The following KIF13A variants were observed in gnomAD, a reference collection of about 807,000 sequenced individuals.
The protein encoded by KIF13A is kinesin family member 13A, also known as kinesin-like protein KIF13A.
In KIF13A, 79 loss-of-function variants were observed where a neutral mutation model predicts 212.2. That is an observed-to-expected ratio of 0.37 (90% CI 0.31 to 0.45). KIF13A has a LOEUF of 0.45. Among genes scored for constraint, KIF13A ranks in the 20% least tolerant of loss-of-function variants. The pLI is 1.00. For missense variants in KIF13A, 1,901 were observed against 2,209.0 expected (o/e 0.86, Z 2.79); for synonymous variants, 789 against 808.6 (o/e 0.98, Z 0.41).
chr6:17,851,992 A>G lies in KIF13A; in HGVS notation c.545T>C (p.Val182Ala). The G allele has an allele frequency of 6.4e-7, 1 of 1,558,564 alleles. No individual in the cohort carries two copies. Among genetic ancestry groups the G allele is most frequent in the East Asian group, 2.3e-5 (1 of 42,698 alleles). Residue 182 changes from valine (V) to alanine (A), a missense_variant, in exon 7 of 39, where the codon GTA becomes GCA. Val to Ala is a moderately conservative substitution (Grantham distance 64). This residue lies in a region of KIF13A where 506 missense variants were observed against 637.4 expected (regional missense o/e 0.79). Transcript: ENST00000259711. Reference protein sequence around the residue: ...VREHKVLGPYVDGLSQLAVTS... With the variant: ...VREHKVLGPYADGLSQLAVTS... ...GACAGCTAGTTGAGATAAACCATCT[A>G]CATATGGTCCCAAAACTTTATGTTC...
Position 17,849,873 on chromosome 6 carries a change from C to T in KIF13A, c.718-384G>A, listed in dbSNP as rs577960738. ...TTGTGGTGTCCTCTTTAATATCCCT[C>T]AATGGCTATGAAGCTGACATGTTTC... On this transcript the variant is annotated intron_variant, in intron 8 of 38. Transcript: ENST00000259711. This position sits in a 1 kb window ranked among gnomAD's most constrained non-coding sequence, Gnocchi z 5.7. Among the ~76,000 whole-genome samples, 506 of 152,278 alleles carry T rather than the reference C, an allele frequency of 3.3e-3. 6 individuals carry two copies. Among genetic ancestry groups the T allele is most frequent in the African/African-American group, 0.011 (463 of 41,554 alleles).
rs1354202672 is a variant in KIF13A at position 17,826,277 on chromosome 6, A to G, written c.1533-153T>C. ...AGAGCAGAATGTGTAACCACTATGA[A>G]AACACACAATCTAAGCCATGAGGAC... On this transcript the variant is annotated intron_variant, in intron 14 of 38. Coordinates refer to ENST00000259711, the MANE Select transcript of KIF13A (RefSeq NM_022113.6). This position sits in a 1 kb window ranked among gnomAD's most constrained non-coding sequence, Gnocchi z 4.7. 6.6e-6 allele frequency among the ~76,000 whole-genome samples: 1 copy of G among 152,204 alleles called. No individual in the cohort carries two copies. The highest frequency in any genetic ancestry group is 2.4e-5 in the African/African-American group (1 of 41,456).
chr6:17,765,939 A>G (rs1488564310), intron 38 of KIF13A, among the ~76,000 whole-genome samples: 1 of 152,222 alleles, frequency 6.6e-6, no homozygotes, highest in Non-Finnish European at 1.5e-5. Flanking sequence ...AGGACTTGGA[A>G]ATAGCAATGG....
intron 2 of KIF13A, among the ~76,000 whole-genome samples, chr6:17,942,361 T>G (rs1777029034): frequency 6.6e-6 from 1 of 150,936 alleles, no homozygotes; most frequent in South Asian, 2.1e-4. Context: ...TATATATATT[T>G]CTGTTCATTG....
At chr6:17,969,963 C>T (rs1379112965) in intron 2 of KIF13A, among the ~76,000 whole-genome samples, 2 of 151,588 alleles carry the variant, frequency 1.3e-5, no homozygotes, top group African/African-American at 4.8e-5. Flanking sequence ...CGCTCTTTCA[C>T]CCAGGCCGGA....
At position 17,983,540 on chromosome 6, in the gene KIF13A, G is replaced by A. The variant is rs183149900; in HGVS notation, c.146+3514C>T. 3.3e-3 allele frequency among the ~76,000 whole-genome samples: 482 copies of A among 147,178 alleles called. 3 individuals are homozygous for A. The highest frequency in any genetic ancestry group is 0.011 in the African/African-American group (435 of 39,702). Reference sequence around the variant, plus strand: ...TGCAGTCTCACTCCGTTGCCCAGGCGAGAGTGCAGTAGCACGATCTCAGCT... The same window carrying A: ...TGCAGTCTCACTCCGTTGCCCAGGCAAGAGTGCAGTAGCACGATCTCAGCT... On this transcript the variant is annotated intron_variant, in intron 2 of 38. Transcript: ENST00000259711.
At chr6:17,848,334 G>C (rs957910600) in intron 9 of KIF13A, among the ~76,000 whole-genome samples, 6 of 151,970 alleles carry the variant, frequency 3.9e-5, no homozygotes, top group African/African-American at 1.5e-4. Flanking sequence ...CAGTGCTACA[G>C]AAAACTAGAA....
rs777772057 is a variant in KIF13A at position 17,979,408 on chromosome 6, A to G, written c.146+7646T>C. Reference sequence around the variant, plus strand: ...AGCATTCATCGATGTTCTTAAGAAAAAGAAAATTATTGCTTTTATTGTTGG... The same window carrying G: ...AGCATTCATCGATGTTCTTAAGAAAGAGAAAATTATTGCTTTTATTGTTGG... On this transcript the variant is annotated intron_variant, in intron 2 of 38. Transcript: ENST00000259711. 8.3e-4 allele frequency among the ~76,000 whole-genome samples: 126 copies of G among 152,354 alleles called. 2 individuals are homozygous for G. In the Middle Eastern group the frequency reaches 0.017, roughly 21 times the overall value.
In KIF13A at chr6:17,804,873, G is replaced by C. The variant is rs1207213853; in HGVS notation, c.2305-363C>G. On this transcript the variant is annotated intron_variant, in intron 19 of 38. Transcript: ENST00000259711. ...ATTAGCCCATGGGAGGGGCCTGTTT[G>C]CTGGGGAGCTAACTAATGCCTGTGC... is the stretch of plus-strand genomic sequence containing the variant. Among the ~76,000 whole-genome samples, 3 of 136,802 alleles carry C rather than the reference G, an allele frequency of 2.2e-5. No homozygotes were observed. In the Admixed American group the frequency reaches 2.4e-4, roughly 11 times the overall value. 89.7% of individuals were successfully genotyped at this position (136,802 alleles called of 152,430 possible).
At chr6:17,921,720 G>A (rs527743535) in intron 2 of KIF13A, among the ~76,000 whole-genome samples, 3 of 152,112 alleles carry the variant, frequency 2.0e-5, no homozygotes, top group Non-Finnish European at 4.4e-5. Flanking sequence ...AGCCAAGAGT[G>A]GGAAGAACAA....
chr6:17,872,393 TC>T lies in KIF13A; in HGVS notation c.220+983del, dbSNP rs1199212480. 1.3e-5 allele frequency among the ~76,000 whole-genome samples: 2 copies of T among 152,102 alleles called. No individual in the cohort carries two copies. Among genetic ancestry groups the T allele is most frequent in the African/African-American group, 4.8e-5 (2 of 41,418 alleles). On this transcript the variant is annotated intron_variant, in intron 4 of 38. Coordinates refer to ENST00000259711, the MANE Select transcript of KIF13A (RefSeq NM_022113.6). This position sits in a 1 kb window ranked among gnomAD's most constrained non-coding sequence, Gnocchi z 4.7. The stretch of plus-strand genomic sequence containing the variant: ...ATAAGTAGAAATAAGGAGAAAACAC[TC>T]AGTAGGAAGAAATAGTTCACGAGCT...
chr6:17,924,593 C>T (rs1289006939), intron 2 of KIF13A, among the ~76,000 whole-genome samples: 1 of 152,188 alleles, frequency 6.6e-6, no homozygotes, highest in East Asian at 1.9e-4. Context: ...GGAAGCACCT[C>T]TTAAAGCTTA....
Position 17,783,504 on chromosome 6 carries a change from G to C in KIF13A, c.3544+142C>G. ...TTATCCACATATCATGCTTATATAC[G>C]TTTAATGAGAACAAAAATGTCACCC... On this transcript the variant is annotated intron_variant, in intron 29 of 38. Transcript: ENST00000259711. The surrounding 1 kb of genome is among the most constrained non-coding windows in gnomAD (Gnocchi z 4.3). 1.5e-6 allele frequency: 1 copy of C among 668,296 alleles called. No homozygotes were observed. The highest frequency in any genetic ancestry group is 2.6e-6 in the Non-Finnish European group (1 of 377,526). 41.4% of individuals were successfully genotyped at this position (668,296 alleles called of 1,614,324 possible).
chr6:17,958,041 C>G (rs1778496571), intron 2 of KIF13A, among the ~76,000 whole-genome samples: 1 of 152,122 alleles, frequency 6.6e-6, no homozygotes, highest in Non-Finnish European at 1.5e-5. Flanking sequence ...AAGCTCTCAC[C>G]AAACCCTGCT....
At chr6:17,804,600 AT>A in intron 19 of KIF13A, 90 bp from the exon 20 acceptor site, 4 of 1,221,238 alleles carry the variant, frequency 3.3e-6, no homozygotes, top group Non-Finnish European at 4.4e-6. Context: ...TTGAAAAAAA[AT>A]TTAAAGAATC....
rs1310635438 is a variant in KIF13A at position 17,837,413 on chromosome 6, C to G, written c.942+59G>C. 5 of 1,147,194 alleles carry G rather than the reference C, an allele frequency of 4.4e-6. No homozygotes were observed. 71.1% of individuals were successfully genotyped at this position (1,147,194 alleles called of 1,614,324 possible). Reference sequence around the variant, plus strand: ...GGTTAGCTTTGTACACACCTTTACTCTGTCACATCTGGAATAGCCAATTTT... The same window carrying G: ...GGTTAGCTTTGTACACACCTTTACTGTGTCACATCTGGAATAGCCAATTTT... On this transcript the variant is annotated intron_variant, in intron 10 of 38. Coordinates refer to ENST00000259711, the MANE Select transcript of KIF13A (RefSeq NM_022113.6). The surrounding 1 kb of genome is among the most constrained non-coding windows in gnomAD (Gnocchi z 5.4).
chr6:17,885,555 G>C (rs539502864), intron 3 of KIF13A, among the ~76,000 whole-genome samples: 3 of 152,154 alleles, frequency 2.0e-5, no homozygotes, highest in Non-Finnish European at 2.9e-5. Context: ...GGGAATGCAC[G>C]GTCTGTTCTA....
intron 2 of KIF13A, among the ~76,000 whole-genome samples, chr6:17,978,599 T>G (rs913085792): frequency 4.6e-5 from 7 of 152,246 alleles, no homozygotes; most frequent in Non-Finnish European, 1.0e-4. Context: ...GCAGGTAATA[T>G]TCAGAAAATT....
chr6:17,903,981 C>T (rs1231551043), intron 2 of KIF13A, among the ~76,000 whole-genome samples: 2 of 150,878 alleles, frequency 1.3e-5, no homozygotes, highest in Non-Finnish European at 2.9e-5. Context: ...AGTAAGACCC[C>T]ATCTTTACTA....
Sources: gnomAD v4.1 joint callset for allele counts (sites outside exome capture counted in the v4.1 genomes callset) on GRCh38, gnomAD v4.1.1 for gene constraint, gnomAD v4.1.1 regional missense constraint, Gnocchi (gnomAD v3.1) non-coding constraint, MANE v1.5 for transcripts, NCBI Gene and HGNC (gene_info 2026-07-23, HGNC 2026-07-21) for gene names.